The following RAPGEF5 variants were observed in gnomAD, a reference collection of about 807,000 sequenced individuals.
RAPGEF5 encodes the protein Rap guanine nucleotide exchange factor 5, also known as M-Ras-regulated GEF.
In RAPGEF5, 65 loss-of-function variants were observed where a neutral mutation model predicts 125.2. That is an observed-to-expected ratio of 0.52 (90% CI 0.43 to 0.64). The LOEUF is 0.64. Among genes scored for constraint, RAPGEF5 ranks in the 30% least tolerant of loss-of-function variants. RAPGEF5 has a pLI of 0.00. For synonymous variants in RAPGEF5, 391 were observed against 385.9 expected, an observed-to-expected ratio of 1.01 and a Z score of -0.16; for missense variants, 958 against 1,048.1, an observed-to-expected ratio of 0.91 and a Z score of 1.19.
rs1783551317 is a variant in RAPGEF5, at chr7:22,314,681, G to T, written c.389+689C>A. 3 of 941,266 alleles carry T rather than the reference G, an allele frequency of 3.2e-6. No homozygotes were observed. The African/African-American group carries it at 5.3e-5, about 17-fold the overall frequency. 58.3% of individuals were successfully genotyped at this position (941,266 alleles called of 1,614,324 possible). On this transcript the variant is annotated intron_variant, in intron 3 of 25. Transcript: ENST00000665637. ...ACAAATGGTAGTGGTTTTTCTTTTTGTTTTCTTTCATAGTTTTGGTATCAT... is the reference window on the plus strand; with the variant it reads ...ACAAATGGTAGTGGTTTTTCTTTTTTTTTTCTTTCATAGTTTTGGTATCAT...
intron 1 of RAPGEF5, among the ~76,000 whole-genome samples, chr7:22,334,655 C>T (rs1177536352): frequency 6.6e-6 from 1 of 152,232 alleles, no homozygotes; most frequent in East Asian, 1.9e-4. Context: ...TATTTACCAA[C>T]CACTGATCTA....
intron 1 of RAPGEF5, among the ~76,000 whole-genome samples, chr7:22,326,413 T>C (rs190960227): frequency 1.3e-5 from 2 of 152,314 alleles, no homozygotes; most frequent in East Asian, 3.9e-4. Flanking sequence ...CTCTGGCTGC[T>C]TTACTGCTAC....
chr7:22,211,357 G>T (rs1785503649), intron 9 of RAPGEF5, among the ~76,000 whole-genome samples: 1 of 152,194 alleles, frequency 6.6e-6, no homozygotes. Context: ...GAACATATCT[G>T]CCTGCATGGT....
At chr7:22,126,971 G>A (rs752434006) in intron 24 of RAPGEF5, among the ~76,000 whole-genome samples, 1 of 151,048 alleles carries the variant, frequency 6.6e-6, no homozygotes, top group Admixed American at 6.6e-5. Flanking sequence ...TTATATTCAC[G>A]TACAGTCTTC....
At chr7:22,175,844 C>T (rs1367383991) in intron 11 of RAPGEF5, among the ~76,000 whole-genome samples, 1 of 152,140 alleles carries the variant, frequency 6.6e-6, no homozygotes, top group Non-Finnish European at 1.5e-5. Flanking sequence ...AATGTTTTTA[C>T]CTCTCAAGCA....
chr7:22,314,605 C>T lies in RAPGEF5; in HGVS notation c.389+765G>A, dbSNP rs537287333. The T allele has an allele frequency of 5.0e-5, 49 of 979,564 alleles. No homozygotes were observed. In the African/African-American group the frequency reaches 7.9e-4, roughly 16 times the overall value. 60.7% of individuals were successfully genotyped at this position (979,564 alleles called of 1,614,324 possible). On this transcript the variant is annotated intron_variant, in intron 3 of 25. Transcript: ENST00000665637. ...GGTGTCATGAATCCTGAGTCCTCTT[C>T]TTACTCTTGATGGGTATTGCACGTC...
chr7:22,127,694 A>G (rs933647730), intron 24 of RAPGEF5, among the ~76,000 whole-genome samples: 60 of 152,330 alleles, frequency 3.9e-4, no homozygotes, highest in African/African-American at 1.3e-3. Flanking sequence ...AATTTGGGTC[A>G]ACATCTTTCA....
At chr7:22,216,125 A>G (rs1394144111) in intron 9 of RAPGEF5, among the ~76,000 whole-genome samples, 1 of 152,176 alleles carries the variant, frequency 6.6e-6, no homozygotes, top group African/African-American at 2.4e-5. Flanking sequence ...TCTTATGGTC[A>G]TTGCCCCAGT....
intron 5 of RAPGEF5, among the ~76,000 whole-genome samples, chr7:22,305,463 G>A (rs1031051599): frequency 5.3e-5 from 8 of 152,068 alleles, no homozygotes; most frequent in African/African-American, 1.9e-4. Context: ...CGGGGTACAT[G>A]AGATGTTTCG....
At chr7:22,293,760 G>C (rs1782987797) in intron 5 of RAPGEF5, among the ~76,000 whole-genome samples, 1 of 152,090 alleles carries the variant, frequency 6.6e-6, no homozygotes, top group African/African-American at 2.4e-5. Flanking sequence ...GGCAGGACTG[G>C]TAGCAACAGG....
intron 8 of RAPGEF5, among the ~76,000 whole-genome samples, chr7:22,227,496 G>T (rs1482991988): frequency 6.6e-6 from 1 of 152,080 alleles, no homozygotes; most frequent in African/African-American, 2.4e-5. Context: ...GAATCCAGTG[G>T]CCAATGGCTA....
rs915617216 is a variant in RAPGEF5 at position 22,119,840 on chromosome 7, T to A, written c.*2566A>T. The stretch of plus-strand genomic sequence containing the variant: ...AAACCCTATTCTGAAGAGGCCTTGG[T>A]GAATATCCAGAGAGGGTGCATGGCC... On this transcript the variant is annotated 3_prime_UTR_variant, in exon 26 of 26. Transcript: ENST00000665637. This position sits in a 1 kb window ranked among gnomAD's most constrained non-coding sequence, Gnocchi z 4.1. The A allele has an allele frequency of 5.9e-5, 9 of 152,214 alleles. No homozygotes were observed. Among genetic ancestry groups the A allele is most frequent in the African/African-American group, 2.2e-4 (9 of 41,456 alleles). The allele number at this position is 152,214 out of a possible 1,614,324, so 9.4% of individuals were successfully genotyped here.
intron 17 of RAPGEF5, among the ~76,000 whole-genome samples, chr7:22,153,854 T>C (rs1439082318): frequency 6.6e-6 from 1 of 152,204 alleles, no homozygotes; most frequent in Non-Finnish European, 1.5e-5. Flanking sequence ...AGAGGTCTGT[T>C]CAAGCCGCAT....
chr7:22,154,372 C>T, intron 17 of RAPGEF5, 83 bp downstream of exon 17: 1 of 1,497,266 alleles, frequency 6.7e-7, no homozygotes, highest in Non-Finnish European at 9.0e-7. Context: ...AGGAGCTGCA[C>T]TTTTACTCTA....
At chr7:22,167,405 C>T (rs964816857) in intron 11 of RAPGEF5, among the ~76,000 whole-genome samples, 3 of 152,148 alleles carry the variant, frequency 2.0e-5, no homozygotes, top group African/African-American at 7.2e-5. Context: ...TTGTTATCAT[C>T]TTGTTTTCCT....
At position 22,138,200 on chromosome 7, in the gene RAPGEF5, G is replaced by A. The variant is rs776451582; in HGVS notation, c.2278-1217C>T. The stretch of plus-strand genomic sequence containing the variant: ...GTGGCACCTCAAACCCAACATGTCC[G>A]AAGTCGAACTAAGTGATCTACTCCA... On this transcript the variant is annotated intron_variant, in intron 21 of 25. Coordinates refer to ENST00000665637, the MANE Select transcript of RAPGEF5 (RefSeq NM_012294.5). Among the ~76,000 whole-genome samples, 3 of 152,084 alleles carry A rather than the reference G, an allele frequency of 2.0e-5. 1 individual carries two copies. The highest frequency in any genetic ancestry group is 7.2e-5 in the African/African-American group (3 of 41,396).
chr7:22,140,819 CG>C (rs967329712), intron 20 of RAPGEF5, among the ~76,000 whole-genome samples: 1 of 152,116 alleles, frequency 6.6e-6, no homozygotes, highest in Non-Finnish European at 1.5e-5. Context: ...AGGGGGAGCT[CG>C]GGATTTCACG....
chr7:22,283,320 A>C (rs1458656653), intron 6 of RAPGEF5, among the ~76,000 whole-genome samples: 1 of 152,182 alleles, frequency 6.6e-6, no homozygotes, highest in Non-Finnish European at 1.5e-5. Flanking sequence ...TATCCACATA[A>C]AGTGTCATTA....
At chr7:22,308,620 C>CCTG in intron 4 of RAPGEF5, 113 bp from the exon 5 acceptor site, 1 of 854,034 alleles carries the variant, frequency 1.2e-6, no homozygotes, top group Non-Finnish European at 1.7e-6. Context: ...AGGGTTAAGA[C>CCTG]TATAATTATA....
Sources: allele counts gnomAD v4.1 joint callset (sites outside exome capture counted in the v4.1 genomes callset), GRCh38; gene constraint gnomAD v4.1.1; non-coding constraint Gnocchi (gnomAD v3.1); transcripts MANE v1.5; gene names NCBI Gene and HGNC (gene_info 2026-07-23, HGNC 2026-07-21).